RABGAP1L: variants seen among roughly 807,000 people sequenced by gnomAD.
The protein encoded by RABGAP1L is RAB GTPase activating protein 1 like, also known as rab GTPase-activating protein 1-like.
RABGAP1L carries 63 observed loss-of-function variants against 137.7 expected under a neutral mutation model. That is an observed-to-expected ratio of 0.46 (90% confidence interval 0.37 to 0.56). RABGAP1L has a LOEUF of 0.56. Ranked by LOEUF, RABGAP1L falls within the 20% of genes least tolerant of loss-of-function variation. The pLI is 0.00. For missense variants in RABGAP1L, 1,095 were observed against 1,244.0 expected, an observed-to-expected ratio of 0.88 and a Z score of 1.80; for synonymous variants, 431 against 433.7, an observed-to-expected ratio of 0.99 and a Z score of 0.08.
At chr1:174,385,516 C>T (rs1207225520) in intron 12 of RABGAP1L, among the ~76,000 whole-genome samples, 1 of 152,076 alleles carries the variant, frequency 6.6e-6, no homozygotes. Context: ...GTTTTTAAAG[C>T]TGTTAGAATG....
chr1:174,938,970 A>G (rs149730955), intron 19 of RABGAP1L, among the ~76,000 whole-genome samples: 147 of 152,322 alleles, frequency 9.7e-4, no homozygotes, highest in African/African-American at 3.2e-3. Context: ...ACTGCAGTAG[A>G]TGGACCTTAA....
intron 13 of RABGAP1L, among the ~76,000 whole-genome samples, chr1:174,610,615 C>G (rs1185013865): frequency 1.3e-5 from 2 of 152,018 alleles, no homozygotes; most frequent in Non-Finnish European, 2.9e-5. Flanking sequence ...TTCTAGATCC[C>G]TGAGGAATCG....
intron 18 of RABGAP1L, among the ~76,000 whole-genome samples, chr1:174,786,002 G>A (rs1687421979): frequency 6.6e-6 from 1 of 152,172 alleles, no homozygotes; most frequent in Middle Eastern, 3.2e-3. Context: ...TTTGAACTCA[G>A]TTATTTGACT....
At chr1:174,183,478 A>G (rs902691942) in intron 1 of RABGAP1L, among the ~76,000 whole-genome samples, 5 of 152,206 alleles carry the variant, frequency 3.3e-5, no homozygotes, top group African/African-American at 4.8e-5. Flanking sequence ...TTAGGCCCAC[A>G]GCAAAACTGA....
At chr1:174,579,876 C>G (rs1034619242) in intron 13 of RABGAP1L, among the ~76,000 whole-genome samples, 12 of 152,304 alleles carry the variant, frequency 7.9e-5, no homozygotes, top group African/African-American at 2.9e-4. Flanking sequence ...ATTCTCCTGC[C>G]TCAGTCTCCT....
chr1:174,474,793 G>A (rs1658325472), intron 13 of RABGAP1L, among the ~76,000 whole-genome samples: 1 of 152,008 alleles, frequency 6.6e-6, no homozygotes, highest in Admixed American at 6.6e-5. Flanking sequence ...AGTAGAGACA[G>A]GGTTTTACCA....
At chr1:174,360,925 G>A (rs1302031387) in intron 11 of RABGAP1L, among the ~76,000 whole-genome samples, 1 of 152,182 alleles carries the variant, frequency 6.6e-6, no homozygotes, top group Non-Finnish European at 1.5e-5. Context: ...GGGAGGCCAA[G>A]GCAGGTGGAT....
At chr1:174,634,972 A>G (rs909084507) in intron 13 of RABGAP1L, among the ~76,000 whole-genome samples, 1 of 150,214 alleles carries the variant, frequency 6.7e-6, no homozygotes, top group Non-Finnish European at 1.5e-5. Context: ...AGCATGGCAC[A>G]TGTATACATA....
intron 19 of RABGAP1L, chr1:174,850,296 A>C (rs1218322502): frequency 4.3e-6 from 1 of 232,352 alleles, no homozygotes; most frequent in Non-Finnish European, 8.5e-6. Flanking sequence ...AATTCTACCA[A>C]ACCTTTCAGG....
At chr1:174,736,983 C>T (rs1165161867) in intron 17 of RABGAP1L, among the ~76,000 whole-genome samples, 2 of 152,170 alleles carry the variant, frequency 1.3e-5, no homozygotes, top group Non-Finnish European at 2.9e-5. Flanking sequence ...GGGGCTGTCT[C>T]CAAGATCTCT....
At chr1:174,926,706 A>G (rs1187899185) in intron 19 of RABGAP1L, among the ~76,000 whole-genome samples, 4 of 151,826 alleles carry the variant, frequency 2.6e-5, no homozygotes, top group African/African-American at 9.7e-5. Flanking sequence ...AAAAATGAAG[A>G]TTTTTGCCTT....
At chr1:174,890,948 AT>A (rs1656040628) in intron 19 of RABGAP1L, among the ~76,000 whole-genome samples, 1 of 152,210 alleles carries the variant, frequency 6.6e-6, no homozygotes, top group South Asian at 2.1e-4. Flanking sequence ...GTAATCTTAT[AT>A]AACATTTCAC....
At chr1:174,792,173 A>G (rs937340972) in intron 18 of RABGAP1L, among the ~76,000 whole-genome samples, 2 of 152,214 alleles carry the variant, frequency 1.3e-5, no homozygotes, top group African/African-American at 2.4e-5. Context: ...CTACTGCCTC[A>G]GTCTTTTCAA....
At chr1:174,873,544 C>T (rs532438255) in intron 19 of RABGAP1L, among the ~76,000 whole-genome samples, 6 of 143,794 alleles carry the variant, frequency 4.2e-5, no homozygotes, top group Admixed American at 4.1e-4. Flanking sequence ...ATGGAATTCT[C>T]CCTCTGTCGC....
chr1:174,892,300 G>A (rs560518501), intron 19 of RABGAP1L: 3 of 329,834 alleles, frequency 9.1e-6, no homozygotes, highest in South Asian at 7.4e-5. Context: ...CCCATTTTTA[G>A]CCACTTGCTA....
chr1:174,782,341 A>G (rs576770257), intron 18 of RABGAP1L, among the ~76,000 whole-genome samples: 78 of 152,102 alleles, frequency 5.1e-4, no homozygotes, highest in Non-Finnish European at 8.8e-4. Flanking sequence ...GTGAATGGGA[A>G]TTCACTCATG....
intron 1 of RABGAP1L, among the ~76,000 whole-genome samples, chr1:174,192,226 C>T (rs1261491050): frequency 6.6e-6 from 1 of 151,516 alleles, no homozygotes; most frequent in Admixed American, 6.6e-5. Flanking sequence ...TCTGCTTGAT[C>T]TCAAACCTTG....
Position 174,989,950 on chromosome 1 carries a change from C to G in RABGAP1L, c.3105C>G (p.Thr1035=). Residue 1035 remains threonine (T), a synonymous_variant, in exon 26 of 26, where the codon ACC becomes ACG. Transcript: ENST00000681986. ...TLNSIKTATG[T]QPLQPAPVTQ... Reference sequence around the variant, plus strand: ...ACTCTATCAAAACGGCCACGGGCACCCAGCCATTGCAGCCAGCACCGGTCA... The same window carrying G: ...ACTCTATCAAAACGGCCACGGGCACGCAGCCATTGCAGCCAGCACCGGTCA... 1 of 1,549,598 alleles carries G rather than the reference C, an allele frequency of 6.5e-7. No individual in the cohort carries two copies. Among genetic ancestry groups the G allele is most frequent in the Non-Finnish European group, 8.7e-7 (1 of 1,146,026 alleles).
chr1:174,538,128 A>G (rs1665039753), intron 13 of RABGAP1L, among the ~76,000 whole-genome samples: 1 of 152,162 alleles, frequency 6.6e-6, no homozygotes, highest in African/African-American at 2.4e-5. Flanking sequence ...TGGTACAACA[A>G]TCTCTGAACC....
Sources: gnomAD v4.1 joint callset for allele counts (sites outside exome capture counted in the v4.1 genomes callset) on GRCh38, gnomAD v4.1.1 for gene constraint, MANE v1.5 for transcripts, NCBI Gene and HGNC (gene_info 2026-07-23, HGNC 2026-07-21) for gene names.